Variants in RGS8 observed in about 807,000 individuals in gnomAD.
RGS8 encodes regulator of G-protein signaling 8.
Under a neutral mutation model 21.7 loss-of-function variants are expected in RGS8, and 8 were observed. That is an observed-to-expected ratio of 0.37 (90% CI 0.22 to 0.66). The LOEUF (loss-of-function observed/expected upper bound fraction) is 0.66, where lower values mean the gene tolerates loss of function less well. RGS8 is among the 30% of genes least tolerant of loss of function. The pLI is 0.59. For synonymous variants in RGS8, 80 were observed against 83.6 expected, an observed-to-expected ratio of 0.96 and a Z score of 0.24; for missense variants, 157 against 217.9, an observed-to-expected ratio of 0.72 and a Z score of 1.76.
At chr1:182,702,465 C>T in the RGS8 span, among the ~76,000 whole-genome samples, 1 of 152,118 alleles carries the variant, frequency 6.6e-6, no homozygotes. Context: ...CAGTCATACC[C>T]CAAAACCCAG....
the RGS8 span, among the ~76,000 whole-genome samples, chr1:182,751,581 C>T: frequency 6.6e-6 from 1 of 152,116 alleles, no homozygotes; most frequent in African/African-American, 2.4e-5. Flanking sequence ...TAAATGACCT[C>T]TGAGTCACAT....
At chr1:182,679,502 TC>T (rs1664472680) in intron 1 of RGS8, among the ~76,000 whole-genome samples, 1 of 152,084 alleles carries the variant, frequency 6.6e-6, no homozygotes, top group Admixed American at 6.5e-5. Flanking sequence ...ACTGGTATTT[TC>T]CTTCCTCTCT....
intron 1 of RGS8, among the ~76,000 whole-genome samples, chr1:182,681,734 C>T (rs1184480304): frequency 1.3e-5 from 2 of 152,202 alleles, no homozygotes; most frequent in East Asian, 3.8e-4. Flanking sequence ...GAGCTGGAGG[C>T]GGGAGGAGGG....
At chr1:182,659,359 G>T (rs757451451) in intron 5 of RGS8, among the ~76,000 whole-genome samples, 10 of 152,214 alleles carry the variant, frequency 6.6e-5, no homozygotes, top group Non-Finnish European at 1.3e-4. Flanking sequence ...CCCTAACAGG[G>T]TGAAGGTTTA....
At chr1:182,660,514 C>T (rs1320517497) in intron 5 of RGS8, among the ~76,000 whole-genome samples, 1 of 151,796 alleles carries the variant, frequency 6.6e-6, no homozygotes, top group Admixed American at 6.6e-5. Context: ...CTTTTTCTAG[C>T]TCTTATCCTG....
chr1:182,725,612 C>A, the RGS8 span, among the ~76,000 whole-genome samples: 2 of 152,090 alleles, frequency 1.3e-5, no homozygotes, highest in African/African-American at 4.8e-5. Context: ...GCTGGGTAGT[C>A]CCTGAATCCT....
intron 3 of RGS8, 34 bp downstream of exon 4, chr1:182,669,590 T>C (rs1333603556): frequency 6.2e-7 from 1 of 1,613,988 alleles, no homozygotes; most frequent in Non-Finnish European, 8.5e-7. Context: ...GAGGAAAGGG[T>C]CAGGGGCAAG....
chr1:182,692,072 C>A, the RGS8 span, among the ~76,000 whole-genome samples: 2 of 150,062 alleles, frequency 1.3e-5, no homozygotes, highest in African/African-American at 4.9e-5. Flanking sequence ...GTGGCACAAT[C>A]TCAACTCACT....
chr1:182,699,919 A>G, the RGS8 span, among the ~76,000 whole-genome samples: 5 of 152,140 alleles, frequency 3.3e-5, no homozygotes, highest in Admixed American at 3.3e-4. Context: ...GTCTCACGGC[A>G]AATTTAACAG....
upstream of RGS8, among the ~76,000 whole-genome samples, chr1:182,675,763 C>T (rs566286951): frequency 6.6e-6 from 1 of 152,164 alleles, no homozygotes; most frequent in South Asian, 2.1e-4. Context: ...CCCTCCATCC[C>T]AATAGCACCA....
chr1:182,706,850 G>A, the RGS8 span, among the ~76,000 whole-genome samples: 2 of 152,142 alleles, frequency 1.3e-5, no homozygotes, highest in Non-Finnish European at 2.9e-5. Context: ...TAACACTTTA[G>A]GCTGTCAGTC....
At chr1:182,742,715 A>G in the RGS8 span, among the ~76,000 whole-genome samples, 3 of 151,382 alleles carry the variant, frequency 2.0e-5, no homozygotes, top group African/African-American at 7.3e-5. Flanking sequence ...GCTCGGCATC[A>G]GAGGGAGACC....
At chr1:182,676,499 C>T (rs565984541), upstream of RGS8, among the ~76,000 whole-genome samples, 4 of 152,236 alleles carry the variant, frequency 2.6e-5, no homozygotes, top group South Asian at 4.1e-4. Context: ...CCATGGAAAC[C>T]GGAAGGACAC....
the RGS8 span, among the ~76,000 whole-genome samples, chr1:182,745,006 A>G: frequency 6.6e-6 from 1 of 152,206 alleles, no homozygotes; most frequent in Non-Finnish European, 1.5e-5. Context: ...CATACATGAA[A>G]TTATACATAT....
At chr1:182,660,103 C>CA (rs1344684622) in intron 5 of RGS8, among the ~76,000 whole-genome samples, 1 of 152,148 alleles carries the variant, frequency 6.6e-6, no homozygotes, top group East Asian at 1.9e-4. Context: ...TATGTTAGAG[C>CA]AAAAATAATT....
upstream of RGS8, among the ~76,000 whole-genome samples, chr1:182,676,841 C>A (rs1276676116): frequency 1.3e-5 from 2 of 152,162 alleles, no homozygotes; most frequent in Admixed American, 1.3e-4. Flanking sequence ...TCTGTGACCA[C>A]CAACGAACAT....
At chr1:182,660,637 C>T (rs1397050466) in intron 5 of RGS8, among the ~76,000 whole-genome samples, 7 of 149,556 alleles carry the variant, frequency 4.7e-5, no homozygotes, top group Non-Finnish European at 1.5e-5. Context: ...GCTGTCTGAG[C>T]ACTTTGGAAA....
chr1:182,745,730 T>C, the RGS8 span, among the ~76,000 whole-genome samples: 2 of 152,238 alleles, frequency 1.3e-5, no homozygotes, highest in Non-Finnish European at 2.9e-5. Context: ...ACTAAGTTCT[T>C]AGAATTGGAA....
upstream of RGS8, among the ~76,000 whole-genome samples, chr1:182,673,820 TA>T (rs1664268522): frequency 6.6e-6 from 1 of 152,176 alleles, no homozygotes; most frequent in Non-Finnish European, 1.5e-5. Context: ...AACTGGTGAA[TA>T]AAAGCCCATT....
Sources: gnomAD v4.1 joint callset for allele counts (sites outside exome capture counted in the v4.1 genomes callset) on GRCh38, gnomAD v4.1.1 for gene constraint, MANE v1.5 for transcripts, NCBI Gene and HGNC (gene_info 2026-07-23, HGNC 2026-07-21) for gene names.